The following KIRREL3 variants were observed in gnomAD, a reference collection of about 807,000 sequenced individuals.
The protein encoded by KIRREL3 is kin of IRRE-like protein 3.
In KIRREL3, 36 loss-of-function variants were observed where a neutral mutation model predicts 89.7. That is an observed-to-expected ratio of 0.40 (90% CI 0.31 to 0.53). The LOEUF is 0.53. KIRREL3 is among the 20% of genes least tolerant of loss of function. The pLI is 0.49. For synonymous variants in KIRREL3, 445 were observed against 441.4 expected (o/e 1.01, Z -0.10); for missense variants, 864 against 1,056.6 (o/e 0.82, Z 2.53).
Position 126,568,910 on chromosome 11 carries a change from T to C in KIRREL3, c.56-5998A>G, listed in dbSNP as rs898660499. Among the ~76,000 whole-genome samples the C allele has an allele frequency of 6.6e-6, 1 of 152,084 alleles. No individual in the cohort carries two copies. Among genetic ancestry groups the C allele is most frequent in the Non-Finnish European group, 1.5e-5 (1 of 68,010 alleles). On this transcript the variant is annotated intron_variant, in intron 1 of 16. Transcript: ENST00000525144. The surrounding 1 kb of genome is among the most constrained non-coding windows in gnomAD (Gnocchi z 4.6). ...TCTCCAGGGTGATATAATGAGCTAT[T>C]AGGTTGCATACTTCCCAGGTTAGCA...
chr11:126,574,093 G>A lies in KIRREL3; in HGVS notation c.56-11181C>T, dbSNP rs1050468898. Among the ~76,000 whole-genome samples the A allele has an allele frequency of 2.0e-5, 3 of 152,218 alleles. No homozygotes were observed. Among genetic ancestry groups the A allele is most frequent in the Non-Finnish European group, 4.4e-5 (3 of 68,040 alleles). ...GACTAGAACATCGGTTGCGGAATGT[G>A]GAAACCAGGTTAACTGAGTATTATT... On this transcript the variant is annotated intron_variant, in intron 1 of 16. Coordinates refer to ENST00000525144, the MANE Select transcript of KIRREL3 (RefSeq NM_032531.4). This position sits in a 1 kb window ranked among gnomAD's most constrained non-coding sequence, Gnocchi z 5.3.
intron 5 of KIRREL3, among the ~76,000 whole-genome samples, chr11:126,468,434 C>G (rs563110239): frequency 1.9e-3 from 291 of 152,388 alleles, no homozygotes; most frequent in African/African-American, 6.2e-3. Flanking sequence ...GCCCTGCACC[C>G]TGGAGGCTGT....
rs1260153403 is a variant in KIRREL3, at chr11:126,462,806, C to T, written c.742+351G>A. On this transcript the variant is annotated intron_variant, in intron 6 of 16. Coordinates refer to ENST00000525144, the MANE Select transcript of KIRREL3 (RefSeq NM_032531.4). The surrounding 1 kb of genome is among the most constrained non-coding windows in gnomAD (Gnocchi z 4.8). ...CTTGCCAATTCTGAAGCCTGGGGAC[C>T]CTTCAAATACCAGCATCTCCACTCA... Among the ~76,000 whole-genome samples, 1 of 152,166 alleles carries T rather than the reference C, an allele frequency of 6.6e-6. No individual in the cohort carries two copies. Among genetic ancestry groups the T allele is most frequent in the Non-Finnish European group, 1.5e-5 (1 of 68,028 alleles).
At chr11:126,586,197 A>G (rs964125880) in intron 1 of KIRREL3, among the ~76,000 whole-genome samples, 4 of 152,174 alleles carry the variant, frequency 2.6e-5, no homozygotes, top group African/African-American at 9.7e-5. Context: ...TGGCCCAGAA[A>G]AGGCACCTGA....
chr11:126,511,943 C>T (rs1390493760), intron 4 of KIRREL3, among the ~76,000 whole-genome samples: 1 of 152,198 alleles, frequency 6.6e-6, no homozygotes, highest in Non-Finnish European at 1.5e-5. Flanking sequence ...GGGCTTCCCC[C>T]AGGGCGGGCC....
At position 126,643,683 on chromosome 11, in the gene KIRREL3, T is replaced by C. The variant is rs1336372889; in HGVS notation, c.56-80771A>G. Among the ~76,000 whole-genome samples the C allele has an allele frequency of 6.6e-6, 1 of 152,226 alleles. No individual in the cohort carries two copies. The highest frequency in any genetic ancestry group is 1.5e-5 in the Non-Finnish European group (1 of 68,046). ...TGTGGCAACACAATGAGTAGGATTG[T>C]ACTGAAGATGAATTGGAGATAGGGA... On this transcript the variant is annotated intron_variant, in intron 1 of 16. Coordinates refer to ENST00000525144, the MANE Select transcript of KIRREL3 (RefSeq NM_032531.4). The surrounding 1 kb of genome is among the most constrained non-coding windows in gnomAD (Gnocchi z 4.5).
chr11:126,693,669 C>T (rs187438222), intron 1 of KIRREL3, among the ~76,000 whole-genome samples: 31 of 152,120 alleles, frequency 2.0e-4, no homozygotes, highest in Middle Eastern at 3.4e-3. Context: ...GGCTGAGTTT[C>T]CGAAGGGAAA....
chr11:126,674,736 G>A (rs1268294792), intron 1 of KIRREL3, among the ~76,000 whole-genome samples: 1 of 152,158 alleles, frequency 6.6e-6, no homozygotes, highest in Non-Finnish European at 1.5e-5. Flanking sequence ...TTTCTTAGGA[G>A]CTAAGAATTT....
At chr11:126,774,433 A>G (rs910447085) in intron 1 of KIRREL3, among the ~76,000 whole-genome samples, 12 of 152,152 alleles carry the variant, frequency 7.9e-5, no homozygotes, top group African/African-American at 2.9e-4. Flanking sequence ...TCAGATAAAC[A>G]AACAAAGAGC....
At position 126,847,045 on chromosome 11, in the gene KIRREL3, G is replaced by T. The variant is rs527716184; in HGVS notation, c.55+153410C>A. Among the ~76,000 whole-genome samples, 6 of 152,202 alleles carry T rather than the reference G, an allele frequency of 3.9e-5. No homozygotes were observed. The South Asian group carries it at 6.2e-4, about 16-fold the overall frequency. ...CAAAGGGTTATAAAAGGTTTATGAA[G>T]ATCTTACCTTATGGTCAGGCATTAC... is the stretch of plus-strand genomic sequence containing the variant. On this transcript the variant is annotated intron_variant, in intron 1 of 16. Transcript: ENST00000525144.
Position 126,923,257 on chromosome 11 carries a change from TCTTCTTCTTCTCCTTCTC to T in KIRREL3, c.55+77180_55+77197del, listed in dbSNP as rs1565424191. Among the ~76,000 whole-genome samples the T allele has an allele frequency of 4.6e-3, 395 of 85,474 alleles. 50 individuals are homozygous for T. Among genetic ancestry groups the T allele is most frequent in the Non-Finnish European group, 6.0e-3 (260 of 43,660 alleles). 56.1% of individuals were successfully genotyped at this position (85,474 alleles called of 152,430 possible). On this transcript the variant is annotated intron_variant, in intron 1 of 16. Transcript: ENST00000525144. ...TTCTTCTTCTTCTTCTTCTTCTTCT[TCTTCTTCTTCTCCTTCTC>T]CTTCTCCTTCTCCTTCTCCTTCTTC... is the stretch of plus-strand genomic sequence containing the variant.
At chr11:126,437,911 ACAC>A (rs1250648901) in intron 11 of KIRREL3, among the ~76,000 whole-genome samples, 1 of 152,304 alleles carries the variant, frequency 6.6e-6, no homozygotes, top group East Asian at 1.9e-4. Flanking sequence ...GTGCTCACAC[ACAC>A]AAGTACACAC....
At chr11:126,691,701 T>C (rs1283977162) in intron 1 of KIRREL3, among the ~76,000 whole-genome samples, 1 of 152,164 alleles carries the variant, frequency 6.6e-6, no homozygotes, top group East Asian at 1.9e-4. Flanking sequence ...TTACTTTGGG[T>C]AGAGGAAGAG....
At chr11:126,497,888 G>T (rs1397633955) in intron 4 of KIRREL3, among the ~76,000 whole-genome samples, 3 of 152,174 alleles carry the variant, frequency 2.0e-5, no homozygotes, top group African/African-American at 7.2e-5. Flanking sequence ...GCCTGAGCCT[G>T]GAGATTCCAA....
intron 1 of KIRREL3, among the ~76,000 whole-genome samples, chr11:126,674,148 A>T (rs1295254543): frequency 6.6e-6 from 1 of 152,194 alleles, no homozygotes; most frequent in Non-Finnish European, 1.5e-5. Context: ...ATGTTACAGA[A>T]AGAAGGCAAG....
Position 126,642,148 on chromosome 11 carries a change from C to T in KIRREL3, c.56-79236G>A, listed in dbSNP as rs1007095990. 6.6e-6 allele frequency among the ~76,000 whole-genome samples: 1 copy of T among 152,132 alleles called. No homozygotes were observed. Among genetic ancestry groups the T allele is most frequent in the Admixed American group, 6.5e-5 (1 of 15,268 alleles). ...TCCATAACCCATGGGAGGGGAGGGA[C>T]CTCCAACAATCTTGTTAGTGCATCA... On this transcript the variant is annotated intron_variant, in intron 1 of 16. Coordinates refer to ENST00000525144, the MANE Select transcript of KIRREL3 (RefSeq NM_032531.4). This position sits in a 1 kb window ranked among gnomAD's most constrained non-coding sequence, Gnocchi z 4.9.
chr11:126,484,266 A>T lies in KIRREL3; in HGVS notation c.434-10800T>A, dbSNP rs1393370430. On this transcript the variant is annotated intron_variant, in intron 4 of 16. Coordinates refer to ENST00000525144, the MANE Select transcript of KIRREL3 (RefSeq NM_032531.4). The surrounding 1 kb of genome is among the most constrained non-coding windows in gnomAD (Gnocchi z 5.2). ...AGGTTCCCTACAGTTGCAGGGTAGG[A>T]GTCCTGGCGCCTCTTTGCCTGTCTC... Among the ~76,000 whole-genome samples the T allele has an allele frequency of 2.0e-5, 3 of 152,178 alleles. No individual in the cohort carries two copies. The highest frequency in any genetic ancestry group is 4.4e-5 in the Non-Finnish European group (3 of 68,036).
intron 1 of KIRREL3, among the ~76,000 whole-genome samples, chr11:126,834,549 A>C (rs1316618563): frequency 6.6e-6 from 1 of 152,230 alleles, no homozygotes; most frequent in African/African-American, 2.4e-5. Flanking sequence ...AAAAATTAGA[A>C]ATCAGATCAC....
intron 1 of KIRREL3, among the ~76,000 whole-genome samples, chr11:126,944,621 C>G (rs975661001): frequency 6.6e-6 from 1 of 152,116 alleles, no homozygotes; most frequent in Non-Finnish European, 1.5e-5. Flanking sequence ...CTGTGGTCCA[C>G]GCCTTGAGAC....
Sources: allele counts gnomAD v4.1 joint callset (sites outside exome capture counted in the v4.1 genomes callset), GRCh38; gene constraint gnomAD v4.1.1; non-coding constraint Gnocchi (gnomAD v3.1); transcripts MANE v1.5; gene names NCBI Gene and HGNC (gene_info 2026-07-23, HGNC 2026-07-21).